Variants in DHRS7B observed in about 807,000 individuals in gnomAD.
DHRS7B encodes dehydrogenase/reductase 7B.
Under a neutral mutation model 26.4 loss-of-function variants are expected in DHRS7B, and 24 were observed. That is an observed-to-expected ratio of 0.91 (90% CI 0.66 to 1.28). The LOEUF (loss-of-function observed/expected upper bound fraction) is 1.28. Ranked by LOEUF, DHRS7B falls within the 50% of genes most tolerant of loss-of-function variation. The pLI is 0.00. For synonymous variants in DHRS7B, 142 were observed against 166.4 expected (o/e 0.85, Z 1.13); for missense variants, 368 against 419.4 (o/e 0.88, Z 1.07).
intron 1 of DHRS7B, among the ~76,000 whole-genome samples, chr17:21,163,863 A>T (rs1297882003): frequency 1.3e-5 from 2 of 151,578 alleles, no homozygotes; most frequent in African/African-American, 4.9e-5. Context: ...TAATTTTTGT[A>T]TTTTTGGTAG....
chr17:21,166,342 C>G, intron 1 of DHRS7B: 1 of 985,460 alleles, frequency 1.0e-6, no homozygotes, highest in Non-Finnish European at 1.2e-6. Flanking sequence ...CCACAGGCCA[C>G]TCTGCCGTGG....
chr17:21,181,295 A>G (rs938316579), intron 3 of DHRS7B, among the ~76,000 whole-genome samples: 9 of 152,152 alleles, frequency 5.9e-5, no homozygotes, highest in Non-Finnish European at 1.3e-4. Flanking sequence ...TATGTTACCC[A>G]GGCTGATCTC....
At chr17:21,157,700 AAAC>A (rs1356855521) in intron 1 of DHRS7B, among the ~76,000 whole-genome samples, 2 of 152,080 alleles carry the variant, frequency 1.3e-5, no homozygotes, top group Non-Finnish European at 2.9e-5. Context: ...TCTCAAAACA[AAAC>A]AAAACTAATG....
intron 2 of DHRS7B, among the ~76,000 whole-genome samples, chr17:21,177,947 T>G (rs1974420062): frequency 6.6e-6 from 1 of 152,268 alleles, no homozygotes; most frequent in Non-Finnish European, 1.5e-5. Context: ...AGATAGGTGA[T>G]GCTCACAGCT....
chr17:21,140,513 CA>C (rs1186930701), intron 1 of DHRS7B, among the ~76,000 whole-genome samples: 9 of 149,704 alleles, frequency 6.0e-5, no homozygotes, highest in Admixed American at 4.0e-4. Context: ...CACACACACA[CA>C]CACACACACA....
intron 1 of DHRS7B, among the ~76,000 whole-genome samples, chr17:21,162,933 C>T (rs904314157): frequency 2.0e-5 from 3 of 152,190 alleles, no homozygotes; most frequent in Middle Eastern, 3.4e-3. Context: ...CAGTGGCTCA[C>T]GCCTGTAATC....
rs201900387 is a variant in DHRS7B at position 21,140,022 on chromosome 17, C to CTTTTT, written c.20+13047_20+13051dup. ...TTTTTTCCTATCAGACTTTCAGATT[C>CTTTTT]TTTTTTTTTTTTTTTTTTTTGAGAC... On this transcript the variant is annotated intron_variant, in intron 1 of 6. Coordinates refer to ENST00000395511, the MANE Select transcript of DHRS7B (RefSeq NM_015510.5). Among the ~76,000 whole-genome samples the CTTTTT allele has an allele frequency of 4.1e-4, 44 of 106,686 alleles. 6 individuals carry two copies. Among genetic ancestry groups the CTTTTT allele is most frequent in the African/African-American group, 9.9e-4 (27 of 27,302 alleles). 70.0% of individuals were successfully genotyped at this position (106,686 alleles called of 152,430 possible).
chr17:21,166,282 C>CTGT lies in DHRS7B; in HGVS notation c.21-5735_21-5733dup, dbSNP rs1161276832. ...AGGTTTTATTTTTACTAAAGCCAGC[C>CTGT]TGTACTCTTTTAAACCAGGGAGCTG... On this transcript the variant is annotated intron_variant, in intron 1 of 6. Coordinates refer to ENST00000395511, the MANE Select transcript of DHRS7B (RefSeq NM_015510.5). The CTGT allele has an allele frequency of 2.6e-5, 26 of 985,318 alleles. No individual in the cohort carries two copies. The Middle Eastern group carries it at 1.5e-3, about 59-fold the overall frequency. 61.0% of individuals were successfully genotyped at this position (985,318 alleles called of 1,614,324 possible).
At chr17:21,157,973 A>G (rs1973917401) in intron 1 of DHRS7B, among the ~76,000 whole-genome samples, 1 of 152,112 alleles carries the variant, frequency 6.6e-6, no homozygotes, top group Admixed American at 6.6e-5. Flanking sequence ...AATCCATCAC[A>G]TCAACAAACT....
chr17:21,176,226 G>A (rs770607518), intron 2 of DHRS7B, among the ~76,000 whole-genome samples: 12 of 152,082 alleles, frequency 7.9e-5, no homozygotes, highest in Non-Finnish European at 5.9e-5. Context: ...GGGCTCAAGC[G>A]ATCCTTCTGC....
intron 5 of DHRS7B, among the ~76,000 whole-genome samples, chr17:21,187,919 G>A (rs1015454813): frequency 6.6e-6 from 1 of 151,762 alleles, no homozygotes; most frequent in Non-Finnish European, 1.5e-5. Context: ...CGCGATCTCC[G>A]CTCACTGCAA....
chr17:21,168,024 A>C (rs1974151864), intron 1 of DHRS7B, among the ~76,000 whole-genome samples: 1 of 152,194 alleles, frequency 6.6e-6, no homozygotes, highest in South Asian at 2.1e-4. Flanking sequence ...AGCTGGTAGA[A>C]AGCCCTGGAC....
At chr17:21,163,450 C>T (rs1257502364) in intron 1 of DHRS7B, among the ~76,000 whole-genome samples, 1 of 152,102 alleles carries the variant, frequency 6.6e-6, no homozygotes, top group Non-Finnish European at 1.5e-5. Flanking sequence ...ACAAATCTCC[C>T]AGAGTCTGCT....
chr17:21,148,779 A>G (rs1392130961), intron 1 of DHRS7B, among the ~76,000 whole-genome samples: 3 of 149,874 alleles, frequency 2.0e-5, no homozygotes, highest in Admixed American at 6.7e-5. Flanking sequence ...ACACAGAGGT[A>G]AAAAAAAAAT....
At chr17:21,145,334 AG>A (rs1973620019) in intron 1 of DHRS7B, among the ~76,000 whole-genome samples, 1 of 152,070 alleles carries the variant, frequency 6.6e-6, no homozygotes, top group African/African-American at 2.4e-5. Context: ...AAAAAAAAAA[AG>A]AAAATCAACC....
At chr17:21,168,301 C>T (rs746560464) in intron 1 of DHRS7B, among the ~76,000 whole-genome samples, 1 of 152,202 alleles carries the variant, frequency 6.6e-6, no homozygotes, top group Non-Finnish European at 1.5e-5. Flanking sequence ...AGATAAATGG[C>T]TCACTCTGGG....
At chr17:21,129,247 G>A (rs1285742445) in intron 1 of DHRS7B, among the ~76,000 whole-genome samples, 1 of 152,096 alleles carries the variant, frequency 6.6e-6, no homozygotes, top group Non-Finnish European at 1.5e-5. Context: ...ACCGGCATGC[G>A]GAGGGGGAAA....
At chr17:21,171,808 G>A in intron 1 of DHRS7B, 1 of 693,966 alleles carries the variant, frequency 1.4e-6, no homozygotes, top group Non-Finnish European at 2.6e-6. Context: ...TGGCTTTTCT[G>A]TCCGCTCATG....
chr17:21,189,631 C>T (rs1195799328), intron 6 of DHRS7B, among the ~76,000 whole-genome samples: 2 of 152,242 alleles, frequency 1.3e-5, no homozygotes, highest in South Asian at 2.1e-4. Context: ...CAAGACTGCC[C>T]ATGTCCTGGC....
Sources: allele counts gnomAD v4.1 joint callset (sites outside exome capture counted in the v4.1 genomes callset), GRCh38; gene constraint gnomAD v4.1.1; transcripts MANE v1.5; gene names NCBI Gene and HGNC (gene_info 2026-07-23, HGNC 2026-07-21).